The following TEX48 variants were observed in gnomAD, a reference collection of about 807,000 sequenced individuals.
TEX48 encodes the protein testis-expressed protein 48.
In TEX48, 10 loss-of-function variants were observed where a neutral mutation model predicts 13.2. The ratio of observed to expected loss-of-function variants is 0.75; its 90% CI spans 0.47 to 1.28. TEX48 has a LOEUF of 1.28. TEX48 is among the 50% of genes most tolerant of loss of function. The pLI, the probability that TEX48 is intolerant of heterozygous loss-of-function variation, is 0.00. For missense variants in TEX48, 116 were observed against 139.4 expected, an observed-to-expected ratio of 0.83 and a Z score of 0.84; for synonymous variants, 45 against 52.3, an observed-to-expected ratio of 0.86 and a Z score of 0.60.
At position 114,676,595 on chromosome 9, in the gene TEX48, G is replaced by A. The variant is rs140842560; in HGVS notation, c.-104-4768C>T. 2.5e-4 allele frequency among the ~76,000 whole-genome samples: 38 copies of A among 151,350 alleles called. No homozygotes were observed. In the East Asian group the frequency reaches 6.8e-3, roughly 27 times the overall value. ...AGACACAGGATAGACAAATGTCCAT[G>A]GAAGCAGGGACAGTATTTTATTCAC... On this transcript the variant is annotated intron_variant, in intron 1 of 4. Coordinates refer to ENST00000436752, the MANE Select transcript of TEX48 (RefSeq NM_001199233.2).
rs55848311 is a variant in TEX48, at chr9:114,674,584, T to TTC, written c.-104-2759_-104-2758dup. ...TTCTTTTTTTCTTTTCTTTCTTTTT[T>TTC]TCTCTTTTCTCTTTTTCTTTCCTTC... is the stretch of plus-strand genomic sequence containing the variant. On this transcript the variant is annotated intron_variant, in intron 1 of 4. Transcript: ENST00000436752. Among the ~76,000 whole-genome samples the TTC allele has an allele frequency of 5.3e-5, 7 of 132,444 alleles. 1 individual carries two copies. Among genetic ancestry groups the TTC allele is most frequent in the South Asian group, 4.9e-4 (2 of 4,084 alleles). 86.9% of individuals were successfully genotyped at this position (132,444 alleles called of 152,430 possible).
intron 4 of TEX48, 103 bp downstream of exon 4, chr9:114,668,103 C>T: frequency 7.1e-7 from 1 of 1,404,898 alleles, no homozygotes; most frequent in Non-Finnish European, 9.6e-7. Flanking sequence ...AATTCCATCT[C>T]CCCATCTCGC....
chr9:114,669,259 G>A (rs968271575), intron 3 of TEX48, among the ~76,000 whole-genome samples: 1 of 152,066 alleles, frequency 6.6e-6, no homozygotes, highest in African/African-American at 2.4e-5. Context: ...TTTAACCAAA[G>A]TTCCAATGTT....
intron 3 of TEX48, among the ~76,000 whole-genome samples, chr9:114,669,150 A>T (rs1827897305): frequency 6.6e-6 from 1 of 152,032 alleles, no homozygotes; most frequent in African/African-American, 2.4e-5. Flanking sequence ...CCTGCATTTG[A>T]CTTTATTCAT....
intron 1 of TEX48, among the ~76,000 whole-genome samples, chr9:114,674,968 G>A (rs1157263410): frequency 6.6e-6 from 1 of 151,488 alleles, no homozygotes; most frequent in Non-Finnish European, 1.5e-5. Context: ...ACCGTGCCCA[G>A]CTTCATTTCC....
chr9:114,677,891 C>T (rs1279952468), intron 1 of TEX48, among the ~76,000 whole-genome samples: 4 of 151,906 alleles, frequency 2.6e-5, no homozygotes, highest in South Asian at 2.1e-4. Context: ...TCAATTGTAG[C>T]GTGCTCTTTC....
At chr9:114,670,447 C>T (rs1207415879) in intron 3 of TEX48, among the ~76,000 whole-genome samples, 1 of 152,058 alleles carries the variant, frequency 6.6e-6, no homozygotes, top group Non-Finnish European at 1.5e-5. Context: ...CACCCCCTCC[C>T]ACCTGTGTGA....
At chr9:114,668,071 A>G (rs568744324) in intron 4 of TEX48, 135 bp downstream of exon 4, 1 of 1,141,596 alleles carries the variant, frequency 8.8e-7, no homozygotes, top group African/African-American at 1.6e-5. Context: ...CTGGAATATG[A>G]CTGGGGCTGC....
chr9:114,675,114 G>T (rs1426327708), intron 1 of TEX48, among the ~76,000 whole-genome samples: 1 of 152,188 alleles, frequency 6.6e-6, no homozygotes, highest in Non-Finnish European at 1.5e-5. Flanking sequence ...AGTACCTAGT[G>T]CAGTGTGGGA....
chr9:114,667,974 C>T (rs1489160706), intron 4 of TEX48, among the ~76,000 whole-genome samples: 1 of 151,738 alleles, frequency 6.6e-6, no homozygotes, highest in Non-Finnish European at 1.5e-5. Context: ...GTTTGCCCTT[C>T]CCCCCAGACC....
intron 1 of TEX48, among the ~76,000 whole-genome samples, chr9:114,679,870 A>G (rs1201232356): frequency 2.0e-5 from 3 of 152,150 alleles, no homozygotes; most frequent in Non-Finnish European, 4.4e-5. Flanking sequence ...CCAATTTAAA[A>G]TCCTTAGTTT....
At chr9:114,681,866 C>G (rs1381453646) in intron 1 of TEX48, among the ~76,000 whole-genome samples, 169 bp downstream of exon 1, 1 of 152,018 alleles carries the variant, frequency 6.6e-6, no homozygotes, top group Non-Finnish European at 1.5e-5. Context: ...CAGGTGGAGA[C>G]TGGGACCCAG....
At chr9:114,667,376 G>A (rs944109550) in intron 4 of TEX48, among the ~76,000 whole-genome samples, 1 of 152,168 alleles carries the variant, frequency 6.6e-6, no homozygotes, top group African/African-American at 2.4e-5. Flanking sequence ...TTCCTGGGCT[G>A]TGCCACTGTC....
intron 1 of TEX48, among the ~76,000 whole-genome samples, chr9:114,672,967 C>T (rs1827976596): frequency 6.6e-6 from 1 of 152,106 alleles, no homozygotes; most frequent in Non-Finnish European, 1.5e-5. Context: ...ATTATCCAAA[C>T]TGAAACAGGG....
intron 1 of TEX48, among the ~76,000 whole-genome samples, chr9:114,676,433 G>C (rs918077411): frequency 6.6e-6 from 1 of 151,736 alleles, no homozygotes; most frequent in Non-Finnish European, 1.5e-5. Flanking sequence ...GCCTCCAAAA[G>C]TGCTGGGTTA....
intron 1 of TEX48, among the ~76,000 whole-genome samples, chr9:114,676,332 GT>G (rs1000653451): frequency 6.6e-6 from 1 of 151,408 alleles, no homozygotes; most frequent in Non-Finnish European, 1.5e-5. Context: ...CCCGGTTATA[GT>G]TTTTTTGTTT....
chr9:114,671,725 G>C lies in TEX48; in HGVS notation c.-2C>G, dbSNP rs1343053623. On this transcript the variant is annotated 5_prime_UTR_variant, in exon 2 of 5. Coordinates refer to ENST00000436752, the MANE Select transcript of TEX48 (RefSeq NM_001199233.2). ...TCTGTACAAAGTTTTCTTACCCATGGAAAGGAGTTGAAACTTCTACTCTGC... is the reference window on the plus strand; with the variant it reads ...TCTGTACAAAGTTTTCTTACCCATGCAAAGGAGTTGAAACTTCTACTCTGC... 1 of 1,535,626 alleles carries C rather than the reference G, an allele frequency of 6.5e-7. No individual in the cohort carries two copies. Among genetic ancestry groups the C allele is most frequent in the South Asian group, 1.2e-5 (1 of 84,058 alleles).
chr9:114,675,708 A>C (rs997515983), intron 1 of TEX48, among the ~76,000 whole-genome samples: 2 of 152,144 alleles, frequency 1.3e-5, no homozygotes, highest in Non-Finnish European at 2.9e-5. Flanking sequence ...CCTCTGCCCC[A>C]CCAAGGGGGT....
At chr9:114,679,407 G>T (rs1489221854) in intron 1 of TEX48, among the ~76,000 whole-genome samples, 2 of 151,782 alleles carry the variant, frequency 1.3e-5, no homozygotes, top group Non-Finnish European at 2.9e-5. Flanking sequence ...AAGGCCATTA[G>T]AAGAACTAAT....
Sources: allele counts gnomAD v4.1 joint callset (sites outside exome capture counted in the v4.1 genomes callset), GRCh38; gene constraint gnomAD v4.1.1; transcripts MANE v1.5; gene names NCBI Gene and HGNC (gene_info 2026-07-23, HGNC 2026-07-21).